Variants in KDM7A observed in about 807,000 individuals in gnomAD.
KDM7A encodes the protein lysine-specific demethylase 7A.
In KDM7A, 28 loss-of-function variants were observed where a neutral mutation model predicts 114.8. The ratio of observed to expected loss-of-function variants is 0.24; its 90% CI spans 0.18 to 0.33. The LOEUF is 0.33. Ranked by LOEUF, KDM7A falls within the 10% of genes least tolerant of loss-of-function variation. The pLI, the probability that KDM7A is intolerant of heterozygous loss-of-function variation, is 1.00. For missense variants in KDM7A, 942 were observed against 1,142.5 expected (o/e 0.82, Z 2.53); for synonymous variants, 423 against 397.8 (o/e 1.06, Z -0.75).
intron 17 of KDM7A, among the ~76,000 whole-genome samples, chr7:140,095,314 T>A (rs1413954346): frequency 1.3e-5 from 2 of 152,206 alleles, no homozygotes; most frequent in East Asian, 3.8e-4. Context: ...GAAGACAAAA[T>A]GGTGCAGTAC....
chr7:140,132,848 C>G (rs1004869641), intron 3 of KDM7A, among the ~76,000 whole-genome samples: 1 of 152,122 alleles, frequency 6.6e-6, no homozygotes, highest in African/African-American at 2.4e-5. Flanking sequence ...CCATAATAAG[C>G]TGCATGTGAT....
chr7:140,111,906 C>T (rs1052847954), intron 10 of KDM7A, among the ~76,000 whole-genome samples: 1 of 150,698 alleles, frequency 6.6e-6, no homozygotes, highest in Non-Finnish European at 1.5e-5. Context: ...GATTGTGCCA[C>T]TACACTCTAG....
chr7:140,097,078 A>G (rs1394403063), intron 15 of KDM7A, 31 bp from the exon 16 acceptor site: 1 of 1,574,676 alleles, frequency 6.4e-7, no homozygotes, highest in East Asian at 2.2e-5. Context: ...AAACAAAGCT[A>G]CATAAGAAAT....
intron 12 of KDM7A, among the ~76,000 whole-genome samples, chr7:140,100,681 C>CACACATATATATATATATATAT (rs1554395402): frequency 1.8e-4 from 8 of 44,346 alleles, no homozygotes; most frequent in Non-Finnish European, 3.5e-4. Flanking sequence ...TATATATATA[C>CACACATATATATATATATATAT]ATATATACAT....
At chr7:140,115,222 C>T (rs1051996510) in intron 9 of KDM7A, among the ~76,000 whole-genome samples, 6 of 151,660 alleles carry the variant, frequency 4.0e-5, no homozygotes, top group Non-Finnish European at 7.4e-5. Flanking sequence ...AGGTAGGGGG[C>T]GCCTCTGCCC....
chr7:140,165,407 T>C (rs965560087), intron 1 of KDM7A, among the ~76,000 whole-genome samples: 5 of 152,250 alleles, frequency 3.3e-5, no homozygotes, highest in Admixed American at 6.5e-5. Context: ...CAGGTTGTTC[T>C]TCACAGTAGC....
Position 140,102,142 on chromosome 7 carries a change from C to G in KDM7A, c.1447G>C (p.Val483Leu), listed in dbSNP as rs776881033. 2 of 1,613,820 alleles carry G rather than the reference C, an allele frequency of 1.2e-6. No homozygotes were observed. Among genetic ancestry groups the G allele is most frequent in the South Asian group, 2.2e-5 (2 of 91,082 alleles). Residue 483 changes from valine to leucine, a missense_variant, in exon 12 of 20, where the codon GTT (valine) becomes CTT (leucine). Val to Leu is a conservative substitution (Grantham distance 32, BLOSUM62 1). Transcript: ENST00000397560. ...ACAATAGGAATTCCCTGAGATTTAA[C>G]TGGTTTGCCGTTTTCCTCCTTTAAG... ...RAIEEENGKP[V>L]KSQGIPIVCP...
chr7:140,121,333 T>C (rs1818615184), intron 7 of KDM7A, among the ~76,000 whole-genome samples: 1 of 152,264 alleles, frequency 6.6e-6, no homozygotes, highest in Non-Finnish European at 1.5e-5. Context: ...CATATTTGTA[T>C]GCAAATTAGC....
At chr7:140,155,770 T>C (rs1395572980) in intron 1 of KDM7A, among the ~76,000 whole-genome samples, 1 of 152,216 alleles carries the variant, frequency 6.6e-6, no homozygotes, top group African/African-American at 2.4e-5. Flanking sequence ...AGAAGATAAC[T>C]AAGGTCCGTG....
chr7:140,090,504 T>C lies in KDM7A; in HGVS notation c.*590A>G, dbSNP rs1180770611. ...TATATAAAATAAAATGATTTTCATA[T>C]ACATCTTAATTTAAAATAATTAATG... On this transcript the variant is annotated 3_prime_UTR_variant, in exon 20 of 20. Transcript: ENST00000397560. The C allele has an allele frequency of 6.6e-6, 1 of 152,250 alleles. No individual in the cohort carries two copies. The highest frequency in any genetic ancestry group is 1.9e-4 in the East Asian group (1 of 5,200). 9.4% of individuals were successfully genotyped at this position (152,250 alleles called of 1,614,324 possible).
intron 14 of KDM7A, among the ~76,000 whole-genome samples, chr7:140,098,142 G>T (rs999700857): frequency 6.6e-6 from 1 of 152,224 alleles, no homozygotes; most frequent in African/African-American, 2.4e-5. Context: ...CACCTGGTGT[G>T]TGCAAAGACA....
chr7:140,153,258 C>A (rs925338992), intron 1 of KDM7A, among the ~76,000 whole-genome samples: 2 of 151,062 alleles, frequency 1.3e-5, no homozygotes, highest in African/African-American at 4.9e-5. Flanking sequence ...GAGGCCGAGG[C>A]GGGCGGATCA....
Position 140,176,165 on chromosome 7 carries a change from G to A in KDM7A, c.194+579C>T, listed in dbSNP as rs888054752. On this transcript the variant is annotated intron_variant, in intron 1 of 19. Transcript: ENST00000397560. This position sits in a 1 kb window ranked among gnomAD's most constrained non-coding sequence, Gnocchi z 4.4. ...GGCGCGGTCGCCTCTCCGGCCCGCC[G>A]CTGCCCCCGTCCCACTGGCCCAGGA... Among the ~76,000 whole-genome samples, 2 of 151,974 alleles carry A rather than the reference G, an allele frequency of 1.3e-5. No homozygotes were observed. The highest frequency in any genetic ancestry group is 2.9e-5 in the Non-Finnish European group (2 of 67,910).
intron 10 of KDM7A, among the ~76,000 whole-genome samples, chr7:140,111,685 G>T (rs556829284): frequency 6.6e-6 from 1 of 152,160 alleles, no homozygotes; most frequent in Admixed American, 6.5e-5. Context: ...AAGGCCGGGC[G>T]CAGTGACTCA....
intron 18 of KDM7A, 132 bp from the exon 19 acceptor site, chr7:140,092,209 G>T (rs942899816): frequency 1.2e-6 from 1 of 810,762 alleles, no homozygotes; most frequent in Non-Finnish European, 1.9e-6. Flanking sequence ...ACATCTATTA[G>T]CCACGGATGA....
At position 140,101,972 on chromosome 7, in the gene KDM7A, T is replaced by C. The variant is rs751350470; in HGVS notation, c.1617A>G (p.Leu539=). Residue 539 remains leucine (L), a synonymous_variant, in exon 12 of 20, where the codon TTA becomes TTG. Transcript: ENST00000397560. ...TTGCCTCTTCCCATGGACACATCTC[T>C]AATCTTTTGAGGACCTCCCTTGTGT... ...ELHTREVLKR[L]EMCPWEEDIL... is the part of the protein sequence containing the mutation. 5.6e-6 allele frequency: 9 copies of C among 1,612,320 alleles called. No homozygotes were observed. The highest frequency in any genetic ancestry group is 7.6e-6 in the Non-Finnish European group (9 of 1,178,452).
intron 12 of KDM7A, among the ~76,000 whole-genome samples, chr7:140,101,351 C>T (rs1490685402): frequency 2.6e-5 from 4 of 152,170 alleles, no homozygotes; most frequent in Non-Finnish European, 5.9e-5. Context: ...TCCAGGCTGA[C>T]TGCTGGCTCA....
rs1282167916 is a variant in KDM7A at position 140,090,170 on chromosome 7, T to C, written c.*924A>G. Reference sequence around the variant, plus strand: ...ATACTTTTCCCACAAGTAGGAAAAATATATTAAAGCTGCTCTCTTTGGGAC... The same window carrying C: ...ATACTTTTCCCACAAGTAGGAAAAACATATTAAAGCTGCTCTCTTTGGGAC... On this transcript the variant is annotated 3_prime_UTR_variant, in exon 20 of 20. Coordinates refer to ENST00000397560, the MANE Select transcript of KDM7A (RefSeq NM_030647.2). The C allele has an allele frequency of 1.3e-5, 2 of 152,068 alleles. No homozygotes were observed. Among genetic ancestry groups the C allele is most frequent in the Non-Finnish European group, 2.9e-5 (2 of 68,000 alleles). 9.4% of individuals were successfully genotyped at this position (152,068 alleles called of 1,614,324 possible). A position where few individuals can be genotyped will look rare whatever the true frequency, so the allele number is the denominator to read the frequency against.
intron 1 of KDM7A, among the ~76,000 whole-genome samples, chr7:140,167,769 T>C (rs1794594323): frequency 1.3e-5 from 2 of 151,960 alleles, no homozygotes; most frequent in South Asian, 4.1e-4. Context: ...CTAATAAATA[T>C]GACTACATAT....
Sources: allele counts gnomAD v4.1 joint callset (sites outside exome capture counted in the v4.1 genomes callset), GRCh38; gene constraint gnomAD v4.1.1; non-coding constraint Gnocchi (gnomAD v3.1); transcripts MANE v1.5; gene names NCBI Gene and HGNC (gene_info 2026-07-23, HGNC 2026-07-21).